PARVA: variants seen among roughly 807,000 people sequenced by gnomAD.
The protein encoded by PARVA is parvin alpha, also known as alpha-parvin.
A neutral mutation model predicts 52.6 loss-of-function variants in PARVA; 25 were observed. The ratio of observed to expected loss-of-function variants is 0.48; its 90% CI spans 0.35 to 0.66. The LOEUF is 0.66. Ranked by LOEUF, PARVA falls within the 30% of genes least tolerant of loss-of-function variation. The pLI is 0.01. For synonymous variants in PARVA, 185 were observed against 179.1 expected, an observed-to-expected ratio of 1.03 and a Z score of -0.26; for missense variants, 373 against 450.9, an observed-to-expected ratio of 0.83 and a Z score of 1.56.
At chr11:12,444,787 T>G (rs1940522536) in intron 1 of PARVA, among the ~76,000 whole-genome samples, 1 of 152,178 alleles carries the variant, frequency 6.6e-6, no homozygotes, top group Non-Finnish European at 1.5e-5. Context: ...CCCAGAGGCA[T>G]GCTGAGACCT....
intron 1 of PARVA, among the ~76,000 whole-genome samples, chr11:12,430,142 T>G (rs981347794): frequency 6.6e-6 from 1 of 152,148 alleles, no homozygotes; most frequent in Non-Finnish European, 1.5e-5. Flanking sequence ...ATACCCCCAC[T>G]AGGGCCAATT....
At chr11:12,442,105 G>A (rs1940474604) in intron 1 of PARVA, among the ~76,000 whole-genome samples, 1 of 152,230 alleles carries the variant, frequency 6.6e-6, no homozygotes, top group South Asian at 2.1e-4. Flanking sequence ...CAGCAGCATG[G>A]AGGCAGGAAG....
intron 1 of PARVA, among the ~76,000 whole-genome samples, chr11:12,379,597 T>G (rs1006020982): frequency 2.0e-5 from 3 of 151,970 alleles, no homozygotes; most frequent in African/African-American, 7.2e-5. Flanking sequence ...AATAGATTGC[T>G]CCATGAATTA....
intron 1 of PARVA, among the ~76,000 whole-genome samples, chr11:12,408,328 G>C (rs112701751): frequency 0.014 from 2,141 of 152,252 alleles, 54 homozygotes; most frequent in African/African-American, 0.049. Flanking sequence ...TTTGTGGTGA[G>C]CACATCCTCT....
chr11:12,388,145 A>G (rs1939605326), intron 1 of PARVA, among the ~76,000 whole-genome samples: 2 of 152,098 alleles, frequency 1.3e-5, no homozygotes, highest in South Asian at 2.1e-4. Flanking sequence ...CCCCCAAAAG[A>G]CAGAACTCAC....
chr11:12,448,496 A>G (rs748804022), intron 1 of PARVA, among the ~76,000 whole-genome samples: 2 of 152,320 alleles, frequency 1.3e-5, no homozygotes, highest in East Asian at 1.9e-4. Flanking sequence ...GTGCTTGGCA[A>G]TTCTCTGGGA....
chr11:12,508,122 AC>A (rs34540709), intron 6 of PARVA, among the ~76,000 whole-genome samples: 18 of 98,672 alleles, frequency 1.8e-4, no homozygotes, highest in Non-Finnish European at 2.7e-4. Flanking sequence ...AAAAAAAAAA[AC>A]CAAAAAAAAA....
chr11:12,511,239 T>C (rs1054111885), intron 7 of PARVA, among the ~76,000 whole-genome samples: 3 of 152,200 alleles, frequency 2.0e-5, no homozygotes, highest in African/African-American at 7.2e-5. Flanking sequence ...AAAGTGATCC[T>C]TTAGGCATCA....
intron 1 of PARVA, among the ~76,000 whole-genome samples, chr11:12,445,934 T>A (rs1463690549): frequency 6.6e-6 from 1 of 152,194 alleles, no homozygotes; most frequent in Admixed American, 6.5e-5. Flanking sequence ...AAAGAGCTAA[T>A]TTTTTAAATA....
chr11:12,450,433 C>T (rs1302177520), intron 1 of PARVA, among the ~76,000 whole-genome samples: 4 of 152,120 alleles, frequency 2.6e-5, no homozygotes, highest in Non-Finnish European at 4.4e-5. Flanking sequence ...TGTGTTAACC[C>T]CACTATTGAG....
intron 3 of PARVA, among the ~76,000 whole-genome samples, 183 bp downstream of exon 3, chr11:12,474,166 T>C (rs925059083): frequency 3.9e-5 from 6 of 152,100 alleles, no homozygotes; most frequent in Non-Finnish European, 8.8e-5. Context: ...TGTTTAAGTG[T>C]GGGATGTGAC....
At chr11:12,396,505 T>C (rs1939747671) in intron 1 of PARVA, among the ~76,000 whole-genome samples, 1 of 152,218 alleles carries the variant, frequency 6.6e-6, no homozygotes, top group African/African-American at 2.4e-5. Context: ...TCATTCTCTC[T>C]GAGCTCCAGT....
chr11:12,534,001 T>C lies in PARVA; in HGVS notation c.*6076T>C, dbSNP rs1407994595. ...GGCTAATATGGTGAAACCCCGTCTG[T>C]ACTAAAAATACAAAAAATTAGCCAG... is the stretch of plus-strand genomic sequence containing the variant. On this transcript the variant is annotated 3_prime_UTR_variant, in exon 13 of 13. Coordinates refer to ENST00000334956, the MANE Select transcript of PARVA (RefSeq NM_018222.5). Among the ~76,000 whole-genome samples, 3 of 152,040 alleles carry C rather than the reference T, an allele frequency of 2.0e-5. No homozygotes were observed. Among genetic ancestry groups the C allele is most frequent in the Non-Finnish European group, 2.9e-5 (2 of 68,010 alleles).
chr11:12,512,969 C>T (rs149507302), intron 8 of PARVA, among the ~76,000 whole-genome samples: 1 of 152,276 alleles, frequency 6.6e-6, no homozygotes, highest in African/African-American at 2.4e-5. Context: ...GGTTCAGAAA[C>T]ACCTGAACAA....
intron 1 of PARVA, among the ~76,000 whole-genome samples, chr11:12,384,815 C>A (rs1016345692): frequency 6.6e-6 from 1 of 151,938 alleles, no homozygotes; most frequent in Non-Finnish European, 1.5e-5. Flanking sequence ...GGGGGTTGGT[C>A]CCGGGTGTAA....
intron 1 of PARVA, among the ~76,000 whole-genome samples, chr11:12,399,039 A>C (rs900560155): frequency 6.6e-6 from 1 of 152,160 alleles, no homozygotes; most frequent in African/African-American, 2.4e-5. Flanking sequence ...AGGCACAGAG[A>C]GGTTGAGCAA....
intron 1 of PARVA, among the ~76,000 whole-genome samples, chr11:12,450,013 A>G (rs1462156452): frequency 1.3e-5 from 2 of 152,224 alleles, no homozygotes; most frequent in Non-Finnish European, 2.9e-5. Flanking sequence ...CCCTTCCTGC[A>G]TATTTACTCA....
chr11:12,525,093 A>T (rs1941684267), intron 12 of PARVA, among the ~76,000 whole-genome samples: 1 of 152,198 alleles, frequency 6.6e-6, no homozygotes, highest in African/African-American at 2.4e-5. Context: ...TAGTGAAAGG[A>T]AGCCACAGTG....
chr11:12,502,901 G>A (rs770842819), intron 5 of PARVA, among the ~76,000 whole-genome samples: 67 of 151,878 alleles, frequency 4.4e-4, no homozygotes, highest in Non-Finnish European at 8.7e-4. Context: ...GCAAATTAAG[G>A]CTCAGAGGCC....
Sources: gnomAD v4.1 joint callset for allele counts (sites outside exome capture counted in the v4.1 genomes callset) on GRCh38, gnomAD v4.1.1 for gene constraint, MANE v1.5 for transcripts, NCBI Gene and HGNC (gene_info 2026-07-23, HGNC 2026-07-21) for gene names.